Variants in NSD2 observed in about 807,000 individuals in gnomAD.
NSD2 encodes nuclear receptor binding SET domain protein 2, also known as histone-lysine N-methyltransferase NSD2.
A neutral mutation model predicts 139.0 loss-of-function variants in NSD2; 12 were observed. The observed-to-expected ratio is 0.09, with a 90% confidence interval of 0.06 to 0.14. The LOEUF (loss-of-function observed/expected upper bound fraction) is 0.14, where lower values mean the gene tolerates loss of function less well. Among genes scored for constraint, NSD2 ranks in the 10% least tolerant of loss-of-function variants. NSD2 has a pLI of 1.00. For synonymous variants in NSD2, 669 were observed against 648.7 expected (o/e 1.03, Z -0.48); for missense variants, 1,155 against 1,745.0 (o/e 0.66, Z 6.02).
intron 1 of NSD2, among the ~76,000 whole-genome samples, chr4:1,882,580 T>C (rs1714782818): frequency 6.6e-6 from 1 of 151,940 alleles, no homozygotes; most frequent in Non-Finnish European, 1.5e-5. Flanking sequence ...AGGAGAATGG[T>C]GTGAACCCGG....
chr4:1,948,119 G>A lies in NSD2; in HGVS notation c.1882-2953G>A, dbSNP rs1723826887. 9.4e-7 allele frequency: 1 copy of A among 1,060,490 alleles called. No homozygotes were observed. Among genetic ancestry groups the A allele is most frequent in the Non-Finnish European group, 1.1e-6 (1 of 875,954 alleles). The allele number at this position is 1,060,490 out of a possible 1,614,324, so 65.7% of individuals were successfully genotyped here. On this transcript the variant is annotated intron_variant, in intron 9 of 21. Coordinates refer to ENST00000508803, the MANE Select transcript of NSD2 (RefSeq NM_001042424.3). The surrounding 1 kb of genome is among the most constrained non-coding windows in gnomAD (Gnocchi z 4.5). ...AGGCAACTTGGTACTATCTTATTCT[G>A]AGTAGAGAGTGGAGAAAGTATTTTC...
chr4:1,964,460 G>A (rs2108987719), intron 18 of NSD2, among the ~76,000 whole-genome samples: 1 of 152,286 alleles, frequency 6.6e-6, no homozygotes, highest in African/African-American at 2.4e-5. Context: ...CACAGCAGCG[G>A]CTACCCATGC....
chr4:1,967,361 C>G lies in NSD2; in HGVS notation c.3372+6210C>G, dbSNP rs540485331. On this transcript the variant is annotated intron_variant, in intron 18 of 21. Coordinates refer to ENST00000508803, the MANE Select transcript of NSD2 (RefSeq NM_001042424.3). The stretch of plus-strand genomic sequence containing the variant: ...TTGGGAGGCCGAGGCCGGCAGATCA[C>G]AAGGTCAGGAGTTCGAGACCAGCCT... Among the ~76,000 whole-genome samples the G allele has an allele frequency of 2.6e-5, 4 of 152,308 alleles. No individual in the cohort carries two copies. In the South Asian group the frequency reaches 8.3e-4, roughly 32 times the overall value.
chr4:1,946,198 A>G (rs577076505), intron 9 of NSD2: 46 of 1,016,442 alleles, frequency 4.5e-5, no homozygotes, highest in Non-Finnish European at 5.2e-5. Context: ...TTCTTAAAAT[A>G]CTCACAAAGC....
chr4:1,977,953 C>G (rs117660592), intron 21 of NSD2, among the ~76,000 whole-genome samples: 1 of 152,062 alleles, frequency 6.6e-6, no homozygotes, highest in African/African-American at 2.4e-5. Flanking sequence ...ATGGTGAAAC[C>G]TCATCTCTAC....
Position 1,942,251 on chromosome 4 carries a change from A to G in NSD2, c.1881+2473A>G. The G allele has an allele frequency of 6.3e-7, 1 of 1,575,158 alleles. No individual in the cohort carries two copies. The highest frequency in any genetic ancestry group is 8.6e-7 in the Non-Finnish European group (1 of 1,162,868). On this transcript the variant is annotated intron_variant, in intron 9 of 21. Coordinates refer to ENST00000508803, the MANE Select transcript of NSD2 (RefSeq NM_001042424.3). The surrounding 1 kb of genome is among the most constrained non-coding windows in gnomAD (Gnocchi z 4.0). ...CTTGCATGACAAAGGCCTGTGAAGGAATTAATGTGATTTAAGTGTTTTGTA... is the reference window on the plus strand; with the variant it reads ...CTTGCATGACAAAGGCCTGTGAAGGGATTAATGTGATTTAAGTGTTTTGTA...
intron 1 of NSD2, among the ~76,000 whole-genome samples, chr4:1,872,207 C>T (rs1422930718): frequency 1.3e-5 from 2 of 152,184 alleles, no homozygotes; most frequent in East Asian, 1.9e-4. Context: ...GGGGGTGAGC[C>T]GGGTGTGGGT....
intron 9 of NSD2, chr4:1,946,692 C>T (rs1319255038): frequency 1.9e-6 from 2 of 1,040,962 alleles, no homozygotes; most frequent in Non-Finnish European, 2.3e-6. Context: ...GAAATTACCA[C>T]TAATTTACCT....
At chr4:1,918,786 C>A in intron 5 of NSD2, 163 bp downstream of exon 5, 1 of 997,416 alleles carries the variant, frequency 1.0e-6, no homozygotes, top group African/African-American at 1.6e-5. Context: ...CATTCTGACC[C>A]TTGAGGGAAA....
intron 1 of NSD2, among the ~76,000 whole-genome samples, chr4:1,887,233 A>G (rs1161779949): frequency 6.6e-6 from 1 of 152,028 alleles, no homozygotes; most frequent in Non-Finnish European, 1.5e-5. Flanking sequence ...GCTTCCTTGC[A>G]GCGTGGTGGC....
chr4:1,967,622 G>A (rs1461098516), intron 18 of NSD2, among the ~76,000 whole-genome samples: 1 of 152,074 alleles, frequency 6.6e-6, no homozygotes, highest in Non-Finnish European at 1.5e-5. Context: ...TGGGTTTACT[G>A]GGACATAGCC....
At position 1,974,740 on chromosome 4, in the gene NSD2, A is replaced by G; in HGVS notation, c.3373-123A>G. 1.4e-6 allele frequency: 2 copies of G among 1,396,294 alleles called. No individual in the cohort carries two copies. Among genetic ancestry groups the G allele is most frequent in the Non-Finnish European group, 2.0e-6 (2 of 991,526 alleles). The allele number at this position is 1,396,294 out of a possible 1,614,324, so 86.5% of individuals were successfully genotyped here. On this transcript the variant is annotated intron_variant, in intron 18 of 21. Transcript: ENST00000508803. The surrounding 1 kb of genome is among the most constrained non-coding windows in gnomAD (Gnocchi z 4.0). ...TGTCCTGTCTCAGTGGACACAGGACACCACGGTTTTCAGTACAACAAGGAA... is the reference window on the plus strand; with the variant it reads ...TGTCCTGTCTCAGTGGACACAGGACGCCACGGTTTTCAGTACAACAAGGAA...
intron 21 of NSD2, among the ~76,000 whole-genome samples, chr4:1,978,246 TAC>T (rs879834472): frequency 5.3e-5 from 8 of 152,224 alleles, no homozygotes; most frequent in Non-Finnish European, 7.3e-5. Flanking sequence ...ACAGAGCTTT[TAC>T]AGAGTCATGC....
intron 5 of NSD2, among the ~76,000 whole-genome samples, chr4:1,920,524 A>G (rs1474516292): frequency 6.6e-6 from 1 of 152,252 alleles, no homozygotes; most frequent in East Asian, 1.9e-4. Flanking sequence ...GAGAAAAGGC[A>G]TTTGATAAAA....
rs1351811446 is a variant in NSD2, at chr4:1,888,569, T to A, written c.-29-12057T>A. ...TTACTTTATTTTTTAATTTTTAAAT[T>A]GTTTTTATTTTTTTTGAGACTGAGT... On this transcript the variant is annotated intron_variant, in intron 1 of 21. Transcript: ENST00000508803. 2.0e-5 allele frequency among the ~76,000 whole-genome samples: 3 copies of A among 152,138 alleles called. 1 individual carries two copies. Among genetic ancestry groups the A allele is most frequent in the Admixed American group, 2.0e-4 (3 of 15,262 alleles).
chr4:1,910,106 A>G (rs1477171168), intron 3 of NSD2, among the ~76,000 whole-genome samples: 1 of 151,932 alleles, frequency 6.6e-6, no homozygotes, highest in Non-Finnish European at 1.5e-5. Flanking sequence ...TTGGAAATCA[A>G]AATTTCCTTT....
At chr4:1,971,085 GCAGTGGCTCATGC>G (rs1726421599) in intron 18 of NSD2, among the ~76,000 whole-genome samples, 2 of 152,252 alleles carry the variant, frequency 1.3e-5, no homozygotes, top group South Asian at 4.1e-4. Context: ...CAGGCCGGGT[GCAGTGGCTCATGC>G]CAGTAATCCC....
chr4:1,884,550 C>T (rs1438672086), intron 1 of NSD2, among the ~76,000 whole-genome samples: 12 of 152,092 alleles, frequency 7.9e-5, no homozygotes, highest in South Asian at 6.2e-4. Flanking sequence ...TGTGCCACCA[C>T]GCCTAGCTAA....
chr4:1,939,384 A>AG (rs1722836074), intron 8 of NSD2: 5 of 450,662 alleles, frequency 1.1e-5, no homozygotes, highest in South Asian at 2.9e-5. Flanking sequence ...ATAATCTGGC[A>AG]GGGGGACGTG....
Sources: allele counts gnomAD v4.1 joint callset (sites outside exome capture counted in the v4.1 genomes callset), GRCh38; gene constraint gnomAD v4.1.1; non-coding constraint Gnocchi (gnomAD v3.1); transcripts MANE v1.5; gene names NCBI Gene and HGNC (gene_info 2026-07-23, HGNC 2026-07-21).